Variants in TMEM43 observed in about 807,000 individuals in gnomAD.
TMEM43 encodes transmembrane protein 43.
A neutral mutation model predicts 49.6 loss-of-function variants in TMEM43; 45 were observed. The observed-to-expected ratio is 0.91, with a 90% confidence interval of 0.71 to 1.16. The LOEUF (loss-of-function observed/expected upper bound fraction) is 1.16, where lower values mean the gene tolerates loss of function less well. Among genes scored for constraint, TMEM43 ranks in the 50% most tolerant of loss-of-function variants. The pLI is 0.00. For missense variants in TMEM43, 532 were observed against 516.6 expected (o/e 1.03, Z -0.29); for synonymous variants, 199 against 207.8 (o/e 0.96, Z 0.36).
Position 14,132,463 on chromosome 3 carries a change from G to T in TMEM43, c.393-83G>T, listed in dbSNP as rs4685074. The T allele has an allele frequency of 0.33, 483,619 of 1,478,404 alleles. 83,936 individuals carry two copies. The highest frequency in any genetic ancestry group is 0.6 in the East Asian group (26,716 of 44,188). 91.6% of individuals were successfully genotyped at this position (1,478,404 alleles called of 1,614,324 possible). On this transcript the variant is annotated intron_variant, in intron 4 of 11. Transcript: ENST00000306077. ...GGGAGTCTGATCTGGTAGCCCTGAG[G>T]TTGCTTCCTGCTCAGATGCTTAGAG...
intron 1 of TMEM43, among the ~76,000 whole-genome samples, chr3:14,125,472 C>T (rs1254253477): frequency 1.3e-5 from 2 of 151,922 alleles, no homozygotes; most frequent in Non-Finnish European, 2.9e-5. Flanking sequence ...TGCTCCCGTA[C>T]TGGGATCTGC....
chr3:14,127,611 C>T (rs1382168665), intron 1 of TMEM43, among the ~76,000 whole-genome samples: 5 of 152,106 alleles, frequency 3.3e-5, no homozygotes, highest in South Asian at 4.2e-4. Context: ...GAAATGGGGT[C>T]GTTATGACAT....
intron 3 of TMEM43, 150 bp from the exon 4 acceptor site, chr3:14,131,430 G>A (rs1017724362): frequency 3.8e-5 from 27 of 712,970 alleles, no homozygotes; most frequent in Non-Finnish European, 5.8e-5. Flanking sequence ...GAGTGTCCTC[G>A]ATTCTCCCCT....
chr3:14,134,007 A>G (rs1266154819), intron 7 of TMEM43, among the ~76,000 whole-genome samples, 198 bp downstream of exon 7: 2 of 152,136 alleles, frequency 1.3e-5, no homozygotes, highest in Non-Finnish European at 2.9e-5. Context: ...ACCCCACTCC[A>G]TCCTACCAGG....
chr3:14,131,727 G>A, intron 4 of TMEM43, 53 bp downstream of exon 4: 1 of 1,322,418 alleles, frequency 7.6e-7, no homozygotes, highest in South Asian at 1.2e-5. Context: ...TGAAGTGTAG[G>A]TGTCAGGATA....
Position 14,130,842 on chromosome 3 carries a change from A to C in TMEM43, c.183A>C (p.Ala61=). 1 of 1,613,852 alleles carries C rather than the reference A, an allele frequency of 6.2e-7. No individual in the cohort carries two copies. The highest frequency in any genetic ancestry group is 8.5e-7 in the Non-Finnish European group (1 of 1,179,902). ...FTNEGRALKT[A]TSLAEGLSLV... ...CCCAGGGCCGCGCATTGAAGACGGC[A>C]ACCTCATTGGCTGAGGGGCTCTCGC... The change falls in exon 3 of 12, where the codon GCA becomes GCC. Residue 61 remains alanine (A), a synonymous_variant. Transcript: ENST00000306077.
chr3:14,132,254 C>T (rs1695105946), intron 4 of TMEM43, among the ~76,000 whole-genome samples: 1 of 152,192 alleles, frequency 6.6e-6, no homozygotes, highest in South Asian at 2.1e-4. Context: ...GAGGATGCAG[C>T]CAGATCTCTG....
chr3:14,140,933 G>A lies in TMEM43; in HGVS notation c.1001-660G>A, dbSNP rs79434002. 6.7e-3 allele frequency among the ~76,000 whole-genome samples: 1,014 copies of A among 152,296 alleles called. 16 individuals carry two copies. The highest frequency in any genetic ancestry group is 0.024 in the African/African-American group (980 of 41,556). On this transcript the variant is annotated intron_variant, in intron 11 of 11. Coordinates refer to ENST00000306077, the MANE Select transcript of TMEM43 (RefSeq NM_024334.3). The stretch of plus-strand genomic sequence containing the variant: ...CCATTGGTGGCCTCCTGGGAACTGA[G>A]CGAAGATTCCCTGAGTGGACATCAG...
At chr3:14,135,358 ACACT>A in intron 9 of TMEM43, 126 bp downstream of exon 9, 1 of 805,948 alleles carries the variant, frequency 1.2e-6, no homozygotes, top group Non-Finnish European at 2.1e-6. Flanking sequence ...ACTCTCGCAC[ACACT>A]CTCAGCCAGG....
chr3:14,136,139 G>A (rs971907526), intron 10 of TMEM43: 1 of 623,226 alleles, frequency 1.6e-6, no homozygotes, highest in Non-Finnish European at 2.9e-6. Context: ...GATCTCTTGG[G>A]GATGAGAACC....
At chr3:14,139,642 A>G (rs1276107288) in intron 11 of TMEM43, among the ~76,000 whole-genome samples, 1 of 152,182 alleles carries the variant, frequency 6.6e-6, no homozygotes, top group Non-Finnish European at 1.5e-5. Flanking sequence ...TGCATTTGAA[A>G]TCTGTCACGT....
intron 2 of TMEM43, among the ~76,000 whole-genome samples, chr3:14,130,507 A>G (rs1007670740): frequency 6.6e-6 from 1 of 152,198 alleles, no homozygotes; most frequent in Non-Finnish European, 1.5e-5. Context: ...ATTAAAAAAA[A>G]GAAGGCAGAG....
At chr3:14,133,008 T>G in intron 6 of TMEM43, 73 bp downstream of exon 6, 2 of 1,281,594 alleles carry the variant, frequency 1.6e-6, no homozygotes, top group Non-Finnish European at 2.3e-6. Context: ...TTTCTTCATC[T>G]GAATAACAGG....
In TMEM43 at chr3:14,130,887, C is replaced by T; in HGVS notation, c.228C>T (p.Ser76=). 7 of 1,613,792 alleles carry T rather than the reference C, an allele frequency of 4.3e-6. No homozygotes were observed. The highest frequency in any genetic ancestry group is 5.9e-6 in the Non-Finnish European group (7 of 1,179,768). The stretch of plus-strand genomic sequence containing the variant: ...TCTCGCTTGTGGTGTCTCCCGACAG[C>T]ATCCACAGTGTGGCTCCGGAGAATG... ...EGLSLVVSPD[S]IHSVAPENEG... The change falls in exon 3 of 12, where the codon AGC becomes AGT. Residue 76 remains serine, a synonymous_variant. Transcript: ENST00000306077.
chr3:14,132,439 G>T, intron 4 of TMEM43, 107 bp from the exon 5 acceptor site: 1 of 1,133,246 alleles, frequency 8.8e-7, no homozygotes, highest in East Asian at 2.4e-5. Context: ...CCGTATCTGG[G>T]GAGTCTGATC....
chr3:14,139,089 C>T (rs552466126), intron 10 of TMEM43, 91 bp from the exon 11 acceptor site: 72 of 926,572 alleles, frequency 7.8e-5, no homozygotes, highest in Admixed American at 6.9e-4. Context: ...CAACAGCTCC[C>T]GAGTTGGTAC....
intron 7 of TMEM43, among the ~76,000 whole-genome samples, chr3:14,134,300 G>T (rs1203411754): frequency 2.6e-5 from 4 of 152,240 alleles, no homozygotes; most frequent in African/African-American, 9.6e-5. Flanking sequence ...TAACCCTGGG[G>T]CTCTGTTCCT....
At chr3:14,135,983 A>T (rs1188954896) in intron 10 of TMEM43, 75 bp downstream of exon 10, 1 of 1,262,124 alleles carries the variant, frequency 7.9e-7, no homozygotes, top group Non-Finnish European at 1.2e-6. Flanking sequence ...ATTTAATAAG[A>T]TCACACTACC....
Position 14,142,082 on chromosome 3 carries a change from G to A in TMEM43, c.*287G>A. 2.1e-6 allele frequency: 1 copy of A among 476,104 alleles called. No individual in the cohort carries two copies. Among genetic ancestry groups the A allele is most frequent in the Non-Finnish European group, 3.9e-6 (1 of 259,182 alleles). The allele number at this position is 476,104 out of a possible 1,614,324, so 29.5% of individuals were successfully genotyped here. A position where few individuals can be genotyped will look rare whatever the true frequency, so the allele number is the denominator to read the frequency against. On this transcript the variant is annotated 3_prime_UTR_variant, in exon 12 of 12. Coordinates refer to ENST00000306077, the MANE Select transcript of TMEM43 (RefSeq NM_024334.3). ...CTGTTTCCTTCCTCTCTTGGACTGA[G>A]TGGGTACGGCCAGCCACTCAGCCCA...
Sources: gnomAD v4.1 joint callset for allele counts (sites outside exome capture counted in the v4.1 genomes callset) on GRCh38, gnomAD v4.1.1 for gene constraint, MANE v1.5 for transcripts, NCBI Gene and HGNC (gene_info 2026-07-23, HGNC 2026-07-21) for gene names.